Variants in TRPM3 observed in about 807,000 individuals in gnomAD.
TRPM3 encodes long transient receptor potential channel 3.
In TRPM3, 77 loss-of-function variants were observed where a neutral mutation model predicts 181.2. The observed-to-expected ratio is 0.42, with a 90% confidence interval of 0.35 to 0.51. The LOEUF (loss-of-function observed/expected upper bound fraction) is 0.51. Among genes scored for constraint, TRPM3 ranks in the 20% least tolerant of loss-of-function variants. The pLI is 0.01. For missense variants in TRPM3, 1,759 were observed against 2,196.7 expected (o/e 0.80, Z 3.98); for synonymous variants, 745 against 796.4 (o/e 0.94, Z 1.09).
rs567356041 is a variant in TRPM3, at chr9:70,755,581, G to A, written c.1272+6020C>T. Among the ~76,000 whole-genome samples the A allele has an allele frequency of 1.1e-4, 17 of 152,054 alleles. No homozygotes were observed. In the East Asian group the frequency reaches 3.3e-3, roughly 29 times the overall value. On this transcript the variant is annotated intron_variant, in intron 8 of 25. Coordinates refer to ENST00000677713, the MANE Select transcript of TRPM3 (RefSeq NM_001366145.2). Reference sequence around the variant, plus strand: ...GACGGGGTTTCTTCATGTTGAGGCTGGTCTCGAACTCCTGACCTCAGGTGA... The same window carrying A: ...GACGGGGTTTCTTCATGTTGAGGCTAGTCTCGAACTCCTGACCTCAGGTGA...
chr9:71,117,406 T>C (rs1587412068), intron 1 of TRPM3, among the ~76,000 whole-genome samples: 2 of 152,192 alleles, frequency 1.3e-5, no homozygotes, highest in East Asian at 3.9e-4. Context: ...AAAAACCTTT[T>C]GCACCAACCT....
intron 1 of TRPM3, among the ~76,000 whole-genome samples, chr9:70,985,401 A>G (rs891941669): frequency 6.6e-6 from 1 of 152,218 alleles, no homozygotes; most frequent in Non-Finnish European, 1.5e-5. Context: ...GAAGAGGCCA[A>G]CAAAATTCTA....
chr9:70,549,769 G>A, intron 24 of TRPM3, 95 bp from the exon 25 acceptor site: 1 of 1,310,432 alleles, frequency 7.6e-7, no homozygotes. Flanking sequence ...TATAAATCTA[G>A]GTGGGAAAAG....
At chr9:71,101,979 A>G (rs1386779562) in intron 1 of TRPM3, among the ~76,000 whole-genome samples, 2 of 152,178 alleles carry the variant, frequency 1.3e-5, no homozygotes, top group Non-Finnish European at 2.9e-5. Context: ...TTTTAGAGGA[A>G]TACCTCTGTG....
intron 1 of TRPM3, among the ~76,000 whole-genome samples, chr9:71,020,463 C>A (rs1300979991): frequency 2.1e-5 from 3 of 143,876 alleles, no homozygotes; most frequent in Non-Finnish European, 3.0e-5. Context: ...GGTGACAGAG[C>A]AAGACCCCGT....
intron 1 of TRPM3, among the ~76,000 whole-genome samples, chr9:71,149,416 C>T (rs376877264): frequency 3.3e-5 from 5 of 151,676 alleles, no homozygotes; most frequent in Admixed American, 1.3e-4. Flanking sequence ...AAACACAAAA[C>T]GAAACAAAAC....
rs2074551346 is a variant in TRPM3 at position 71,133,973 on chromosome 9, T to TG, written c.184-269463_184-269462insC. On this transcript the variant is annotated intron_variant, in intron 1 of 24. Transcript: ENST00000357533. ...TGCCTACTATCTAAACTGTGTGTGT[T>TG]TGTGTGTGTGTGTGTGTGTGTGTGT... 3.4e-4 allele frequency among the ~76,000 whole-genome samples: 51 copies of TG among 148,572 alleles called. 1 individual carries two copies. The East Asian group carries it at 8.5e-3, about 25-fold the overall frequency.
At chr9:71,272,875 A>T (rs2083911659) in intron 1 of TRPM3, among the ~76,000 whole-genome samples, 1 of 142,896 alleles carries the variant, frequency 7.0e-6, no homozygotes, top group South Asian at 2.2e-4. Context: ...GAAAGCGGTA[A>T]TTTTTTTTTT....
chr9:70,911,906 T>C (rs1174821654), intron 1 of TRPM3, among the ~76,000 whole-genome samples: 1 of 152,194 alleles, frequency 6.6e-6, no homozygotes, highest in Non-Finnish European at 1.5e-5. Context: ...AACTTTCCCC[T>C]ATGTCATTGT....
chr9:70,786,044 C>T (rs1443694625), intron 6 of TRPM3, among the ~76,000 whole-genome samples: 1 of 152,074 alleles, frequency 6.6e-6, no homozygotes, highest in Non-Finnish European at 1.5e-5. Context: ...TGTTTTGACC[C>T]AGGAGCCCTT....
At chr9:71,164,448 G>A (rs181563568) in intron 1 of TRPM3, among the ~76,000 whole-genome samples, 2 of 152,252 alleles carry the variant, frequency 1.3e-5, no homozygotes, top group Admixed American at 1.3e-4. Flanking sequence ...GAGGCAAACG[G>A]GGAAGTCTGT....
At chr9:71,215,437 TG>T (rs912218610) in intron 1 of TRPM3, among the ~76,000 whole-genome samples, 25 of 152,210 alleles carry the variant, frequency 1.6e-4, no homozygotes, top group African/African-American at 5.8e-4. Context: ...AATTCATTGC[TG>T]ATCAGGATTA....
At chr9:70,800,981 G>A (rs2088819906) in intron 6 of TRPM3, among the ~76,000 whole-genome samples, 2 of 152,290 alleles carry the variant, frequency 1.3e-5, no homozygotes, top group East Asian at 3.9e-4. Flanking sequence ...TGGGTTTCAA[G>A]CAAAGTCCTG....
At chr9:70,584,436 T>G (rs1444728144) in intron 22 of TRPM3, among the ~76,000 whole-genome samples, 6 of 152,196 alleles carry the variant, frequency 3.9e-5, no homozygotes, top group Non-Finnish European at 7.3e-5. Context: ...ATCAAAGTCT[T>G]CCCATTCACA....
intron 1 of TRPM3, among the ~76,000 whole-genome samples, chr9:70,987,467 T>C (rs2097433066): frequency 6.6e-6 from 1 of 152,218 alleles, no homozygotes; most frequent in Admixed American, 6.5e-5. Context: ...TAGACAATTC[T>C]GCTTCATTCT....
chr9:70,880,694 A>C (rs981087095), intron 1 of TRPM3, among the ~76,000 whole-genome samples: 4 of 152,106 alleles, frequency 2.6e-5, no homozygotes, highest in Non-Finnish European at 2.9e-5. Flanking sequence ...CTTAGATGGC[A>C]CATCTATACT....
intron 1 of TRPM3, among the ~76,000 whole-genome samples, chr9:71,052,516 G>A (rs992700058): frequency 5.9e-5 from 9 of 152,150 alleles, no homozygotes; most frequent in African/African-American, 2.2e-4. Flanking sequence ...CCACAGAAGT[G>A]GTGGCATGAG....
At chr9:71,097,393 A>T (rs1757543685) in intron 1 of TRPM3, among the ~76,000 whole-genome samples, 1 of 152,064 alleles carries the variant, frequency 6.6e-6, no homozygotes, top group Non-Finnish European at 1.5e-5. Flanking sequence ...TATTAAGGGT[A>T]TGTTTAATTT....
intron 19 of TRPM3, 26 bp from the exon 20 acceptor site, chr9:70,603,496 C>T (rs1292466617): frequency 6.2e-7 from 1 of 1,611,674 alleles, no homozygotes; most frequent in Admixed American, 1.7e-5. Flanking sequence ...ATACAGTGCT[C>T]TGGCTGTTCA....
Sources: gnomAD v4.1 joint callset for allele counts (sites outside exome capture counted in the v4.1 genomes callset) on GRCh38, gnomAD v4.1.1 for gene constraint, MANE v1.5 for transcripts, NCBI Gene and HGNC (gene_info 2026-07-23, HGNC 2026-07-21) for gene names.